The following MORN5 variants were observed in gnomAD, a reference collection of about 807,000 sequenced individuals.
The protein encoded by MORN5 is MORN repeat containing 5, also known as MORN repeat-containing protein 5.
In MORN5, 21 loss-of-function variants were observed where a neutral mutation model predicts 22.1. The ratio of observed to expected loss-of-function variants is 0.95; its 90% confidence interval spans 0.67 to 1.37. MORN5 has a LOEUF of 1.37. Among genes scored for constraint, MORN5 ranks in the 40% most tolerant of loss-of-function variants. MORN5 has a pLI of 0.00. For synonymous variants in MORN5, 73 were observed against 74.0 expected, an observed-to-expected ratio of 0.99 and a Z score of 0.07; for missense variants, 211 against 215.1, an observed-to-expected ratio of 0.98 and a Z score of 0.12.
rs151321241 is a variant in MORN5 at position 122,199,809 on chromosome 9, C to G, written c.440-76C>G. The G allele has an allele frequency of 2.6e-4, 375 of 1,464,284 alleles. 1 individual carries two copies. In the African/African-American group the frequency reaches 4.7e-3, roughly 18 times the overall value. The allele number at this position is 1,464,284 out of a possible 1,614,324, so 90.7% of individuals were successfully genotyped here. On this transcript the variant is annotated intron_variant, in intron 4 of 4. Coordinates refer to ENST00000373764, the MANE Select transcript of MORN5 (RefSeq NM_198469.4). ...ACGGACCATCCCAGTCCCAACGCCC[C>G]ACCTGGGGAACCCCCCAGGCCAGGA...
At chr9:122,182,570 G>C (rs936047553) in intron 4 of MORN5, among the ~76,000 whole-genome samples, 1 of 152,202 alleles carries the variant, frequency 6.6e-6, no homozygotes, top group Non-Finnish European at 1.5e-5. Flanking sequence ...GGTCAACATG[G>C]TGAAACCCTG....
At chr9:122,190,943 C>G (rs912575979) in intron 4 of MORN5, among the ~76,000 whole-genome samples, 2 of 152,272 alleles carry the variant, frequency 1.3e-5, no homozygotes, top group African/African-American at 4.8e-5. Flanking sequence ...TAGGTGCCCA[C>G]AAGCTGGGGA....
At chr9:122,173,100 C>T (rs1366389083) in intron 3 of MORN5, among the ~76,000 whole-genome samples, 1 of 152,204 alleles carries the variant, frequency 6.6e-6, no homozygotes, top group African/African-American at 2.4e-5. Context: ...TATGCTAAAG[C>T]TAAGCCTCTG....
At chr9:122,162,724 A>C (rs1829220363) in intron 1 of MORN5, among the ~76,000 whole-genome samples, 1 of 152,264 alleles carries the variant, frequency 6.6e-6, no homozygotes, top group African/African-American at 2.4e-5. Flanking sequence ...AGACAAAAAA[A>C]GAGTAGATAC....
At position 122,194,745 on chromosome 9, in the gene MORN5, C is replaced by T. The variant is rs904513236; in HGVS notation, c.440-5140C>T. On this transcript the variant is annotated intron_variant, in intron 4 of 4. Coordinates refer to ENST00000373764, the MANE Select transcript of MORN5 (RefSeq NM_198469.4). ...TATATAAAAAAATATGCAAGCCGGG[C>T]ACGGTGGACCACACCTGTAATCCCA... 4.6e-5 allele frequency among the ~76,000 whole-genome samples: 7 copies of T among 152,212 alleles called. No homozygotes were observed. In the East Asian group the frequency reaches 1.2e-3, roughly 25 times the overall value.
At chr9:122,190,764 C>A (rs1829744508) in intron 4 of MORN5, among the ~76,000 whole-genome samples, 1 of 152,274 alleles carries the variant, frequency 6.6e-6, no homozygotes, top group South Asian at 2.1e-4. Context: ...GTGGCCTTGG[C>A]CTCTGGCCAC....
At chr9:122,165,223 C>T (rs1829256403) in intron 1 of MORN5, among the ~76,000 whole-genome samples, 1 of 151,820 alleles carries the variant, frequency 6.6e-6, no homozygotes, top group Non-Finnish European at 1.5e-5. Context: ...CTAGGAAAAT[C>T]GTTATATGTT....
chr9:122,174,758 C>T (rs1216669912), intron 4 of MORN5, 131 bp downstream of exon 4: 7 of 1,580,158 alleles, frequency 4.4e-6, no homozygotes, highest in South Asian at 1.1e-5. Context: ...AAGTTGATTA[C>T]CTGGATGTTT....
At chr9:122,187,874 G>A (rs1829671286) in intron 4 of MORN5, among the ~76,000 whole-genome samples, 2 of 152,194 alleles carry the variant, frequency 1.3e-5, no homozygotes, top group African/African-American at 2.4e-5. Flanking sequence ...AAGCTATCCA[G>A]ATGATGTCCT....
intron 4 of MORN5, among the ~76,000 whole-genome samples, chr9:122,182,015 T>A (rs1191282173): frequency 2.0e-5 from 3 of 152,190 alleles, no homozygotes; most frequent in African/African-American, 7.2e-5. Flanking sequence ...CAGATGTGCC[T>A]GGATATGCTG....
At position 122,191,288 on chromosome 9, in the gene MORN5, G is replaced by A. The variant is rs371264570; in HGVS notation, c.440-8597G>A. On this transcript the variant is annotated intron_variant, in intron 4 of 4. Transcript: ENST00000373764. ...CACGCACACATCTCTTCACGCTTAT[G>A]CTGGTGTGAGAGCAGTTGGATGGGA... 1.3e-4 allele frequency among the ~76,000 whole-genome samples: 20 copies of A among 152,220 alleles called. 1 individual carries two copies. The highest frequency in any genetic ancestry group is 4.8e-4 in the African/African-American group (20 of 41,448).
chr9:122,162,670 C>G (rs563137163), intron 1 of MORN5, among the ~76,000 whole-genome samples: 1 of 152,158 alleles, frequency 6.6e-6, no homozygotes, highest in Non-Finnish European at 1.5e-5. Context: ...GTACACAGAA[C>G]AACATGAATG....
intron 1 of MORN5, among the ~76,000 whole-genome samples, chr9:122,163,018 A>G (rs1360377648): frequency 6.7e-6 from 1 of 149,790 alleles, no homozygotes; most frequent in Admixed American, 6.6e-5. Context: ...TAAAAGAGAC[A>G]TGATTTCCCT....
intron 3 of MORN5, among the ~76,000 whole-genome samples, chr9:122,173,206 G>A (rs550860510): frequency 6.6e-6 from 1 of 152,320 alleles, no homozygotes; most frequent in African/African-American, 2.4e-5. Context: ...AGAGCAGCTT[G>A]ATTCTAAGTA....
chr9:122,199,665 A>AG (rs950745070), intron 4 of MORN5, among the ~76,000 whole-genome samples: 1 of 152,168 alleles, frequency 6.6e-6, no homozygotes, highest in African/African-American at 2.4e-5. Context: ...CTCCGCCAGC[A>AG]GCACCCACAG....
At chr9:122,175,572 A>G (rs911477896) in intron 4 of MORN5, 32 of 984,744 alleles carry the variant, frequency 3.2e-5, no homozygotes, top group Non-Finnish European at 3.3e-5. Context: ...AAAATGTCCA[A>G]TGCATGCACA....
At chr9:122,166,050 C>T (rs915296537) in intron 1 of MORN5, among the ~76,000 whole-genome samples, 4 of 152,098 alleles carry the variant, frequency 2.6e-5, no homozygotes, top group Admixed American at 6.5e-5. Context: ...AGCAAGGGCA[C>T]ATCTTACATG....
chr9:122,169,561 G>A, intron 2 of MORN5, 84 bp from the exon 3 acceptor site: 2 of 844,190 alleles, frequency 2.4e-6, no homozygotes, highest in South Asian at 2.8e-5. Context: ...CATCAGAAAG[G>A]CCCCCACTTC....
Position 122,193,305 on chromosome 9 carries a change from C to T in MORN5, c.440-6580C>T, listed in dbSNP as rs151047727. On this transcript the variant is annotated intron_variant, in intron 4 of 4. Transcript: ENST00000373764. ...TTTGTGTTAAAAGCAGCAATTTGTC[C>T]GCCGGGCGCCGTGGCTCACACCTAT... 1.6e-3 allele frequency among the ~76,000 whole-genome samples: 243 copies of T among 152,234 alleles called. 2 individuals are homozygous for T. The highest frequency in any genetic ancestry group is 2.5e-3 in the Non-Finnish European group (173 of 68,004).
Sources: gnomAD v4.1 joint callset for allele counts (sites outside exome capture counted in the v4.1 genomes callset) on GRCh38, gnomAD v4.1.1 for gene constraint, MANE v1.5 for transcripts, NCBI Gene and HGNC (gene_info 2026-07-23, HGNC 2026-07-21) for gene names.